Variants in MEOX2 observed in about 807,000 individuals in gnomAD.
MEOX2 encodes the protein homeobox protein MOX-2.
A neutral mutation model predicts 27.0 loss-of-function variants in MEOX2; 11 were observed. The ratio of observed to expected loss-of-function variants is 0.41; its 90% CI spans 0.26 to 0.68. The LOEUF is 0.68. Ranked by LOEUF, MEOX2 falls within the 30% of genes least tolerant of loss-of-function variation. The pLI, the probability that MEOX2 is intolerant of heterozygous loss-of-function variation, is 0.33. For missense variants in MEOX2, 436 were observed against 385.4 expected, an observed-to-expected ratio of 1.13 and a Z score of -1.10; for synonymous variants, 189 against 155.4, an observed-to-expected ratio of 1.22 and a Z score of -1.61.
chr7:15,673,130 A>G (rs1320252226), intron 1 of MEOX2, among the ~76,000 whole-genome samples: 2 of 152,166 alleles, frequency 1.3e-5, no homozygotes, highest in Non-Finnish European at 2.9e-5. Context: ...TTTACCAAGA[A>G]CTGTGCACCT....
At chr7:15,634,298 G>A (rs1327481997) in intron 1 of MEOX2, among the ~76,000 whole-genome samples, 1 of 151,898 alleles carries the variant, frequency 6.6e-6, no homozygotes, top group Non-Finnish European at 1.5e-5. Context: ...GTGAGGTGGG[G>A]ACAGTTCTGG....
rs1781337580 is a variant in MEOX2, at chr7:15,627,770, T to C, written c.518-852A>G. On this transcript the variant is annotated intron_variant, in intron 1 of 2. Coordinates refer to ENST00000262041, the MANE Select transcript of MEOX2 (RefSeq NM_005924.5). Reference sequence around the variant, plus strand: ...CCCTGAAATGTAGGTCAGAAGACATTCTTAATATACTAAAAAGCAGAACGT... The same window carrying C: ...CCCTGAAATGTAGGTCAGAAGACATCCTTAATATACTAAAAAGCAGAACGT... Among the ~76,000 whole-genome samples, 3 of 142,086 alleles carry C rather than the reference T, an allele frequency of 2.1e-5. No homozygotes were observed. In the Admixed American group the frequency reaches 2.1e-4, roughly 10 times the overall value. The allele number at this position is 142,086 out of a possible 152,430, so 93.2% of individuals were successfully genotyped here.
intron 1 of MEOX2, among the ~76,000 whole-genome samples, chr7:15,641,752 G>T (rs1209629913): frequency 6.6e-6 from 1 of 151,932 alleles, no homozygotes; most frequent in Non-Finnish European, 1.5e-5. Context: ...AGTAAGTTTT[G>T]TCCTTTTATT....
At chr7:15,612,708 A>G in intron 2 of MEOX2, 97 bp from the exon 3 acceptor site, 1 of 948,652 alleles carries the variant, frequency 1.1e-6, no homozygotes, top group Non-Finnish European at 1.6e-6. Flanking sequence ...AAGTTCCTCA[A>G]AGGCTTATAC....
intron 1 of MEOX2, among the ~76,000 whole-genome samples, chr7:15,631,846 A>C (rs16878569): frequency 0.074 from 11,167 of 150,492 alleles, 430 homozygotes; most frequent in Middle Eastern, 0.12. Flanking sequence ...AAATATCATA[A>C]ATTTATCACA....
At chr7:15,649,733 G>T (rs1175528384) in intron 1 of MEOX2, among the ~76,000 whole-genome samples, 1 of 152,052 alleles carries the variant, frequency 6.6e-6, no homozygotes, top group Admixed American at 6.6e-5. Flanking sequence ...TTTTTGAGCA[G>T]AAAAACTGTT....
At chr7:15,677,271 C>T (rs1427142664) in intron 1 of MEOX2, among the ~76,000 whole-genome samples, 1 of 152,146 alleles carries the variant, frequency 6.6e-6, no homozygotes, top group African/African-American at 2.4e-5. Flanking sequence ...ATAACTGACA[C>T]TTTACTAAGC....
chr7:15,615,086 G>A (rs1021592809), intron 2 of MEOX2, among the ~76,000 whole-genome samples: 4 of 152,032 alleles, frequency 2.6e-5, no homozygotes, highest in African/African-American at 9.7e-5. Flanking sequence ...GTTGACGGGT[G>A]TTCACATATT....
Position 15,626,787 on chromosome 7 carries a change from G to A in MEOX2, c.649C>T (p.Arg217Ter), listed in dbSNP as rs2115360317. The A allele has an allele frequency of 6.2e-7, 1 of 1,606,924 alleles. No homozygotes were observed. The highest frequency in any genetic ancestry group is 8.5e-7 in the Non-Finnish European group (1 of 1,177,282). ...TCCAGATTCACTGCTATCTCGTATC[G>A]CCTCAGTCTGGTGAGATAATTATGA... ...AHHNYLTRLRRYEIAVNLDLT... is the reference protein window; with the variant it reads ...AHHNYLTRLR Residue 217 changes from arginine to a stop codon, truncating the protein, a stop_gained, in exon 2 of 3, where the codon CGA (arginine) becomes TGA (stop). Coordinates refer to ENST00000262041, the MANE Select transcript of MEOX2 (RefSeq NM_005924.5). LOFTEE classifies it high-confidence loss of function.
At chr7:15,642,355 AG>A (rs1781575816) in intron 1 of MEOX2, among the ~76,000 whole-genome samples, 2 of 152,240 alleles carry the variant, frequency 1.3e-5, no homozygotes, top group South Asian at 4.1e-4. Flanking sequence ...ATAATTCAAA[AG>A]TACAGTCTTC....
Position 15,677,395 on chromosome 7 carries a change from G to C in MEOX2, c.517+8491C>G, listed in dbSNP as rs550356909. ...GTGACAATAGTAAGAGACACAGCGG[G>C]GGTTTAGCCCTAACTATTGTGTTCT... On this transcript the variant is annotated intron_variant, in intron 1 of 2. Transcript: ENST00000262041. The C allele has an allele frequency of 2.0e-5, 3 of 152,272 alleles. No homozygotes were observed. The South Asian group carries it at 6.2e-4, about 32-fold the overall frequency. The allele number at this position is 152,272 out of a possible 1,614,324, so 9.4% of individuals were successfully genotyped here. A position where few individuals can be genotyped will look rare whatever the true frequency, so the allele number is the denominator to read the frequency against.
intron 1 of MEOX2, among the ~76,000 whole-genome samples, chr7:15,653,026 A>C (rs1037426833): frequency 6.6e-6 from 1 of 152,002 alleles, no homozygotes; most frequent in African/African-American, 2.4e-5. Context: ...TGATAGTTGC[A>C]TGTTTTGTTT....
At chr7:15,682,212 T>C (rs1329686851) in intron 1 of MEOX2, among the ~76,000 whole-genome samples, 1 of 151,866 alleles carries the variant, frequency 6.6e-6, no homozygotes, top group Non-Finnish European at 1.5e-5. Flanking sequence ...TTTTAAATTC[T>C]AAAGCAAATG....
chr7:15,652,683 A>G (rs1015178368), intron 1 of MEOX2, among the ~76,000 whole-genome samples: 1 of 151,978 alleles, frequency 6.6e-6, no homozygotes, highest in African/African-American at 2.4e-5. Flanking sequence ...CTATGTCTGT[A>G]ATTTTTGTCC....
chr7:15,649,334 G>A (rs1018976741), intron 1 of MEOX2, among the ~76,000 whole-genome samples: 2 of 151,936 alleles, frequency 1.3e-5, no homozygotes, highest in African/African-American at 4.8e-5. Context: ...GTAAGGGTGG[G>A]GGGAGACATC....
intron 2 of MEOX2, among the ~76,000 whole-genome samples, chr7:15,622,857 T>A (rs1041976161): frequency 6.6e-6 from 1 of 152,068 alleles, no homozygotes; most frequent in South Asian, 2.1e-4. Flanking sequence ...TAAGAACAGA[T>A]CTAGCATTAC....
chr7:15,631,758 T>A (rs908492707), intron 1 of MEOX2, among the ~76,000 whole-genome samples: 3 of 151,802 alleles, frequency 2.0e-5, no homozygotes, highest in Admixed American at 1.3e-4. Context: ...AATGGGAAAG[T>A]ATGAAGATTT....
chr7:15,645,913 G>A (rs1317725494), intron 1 of MEOX2, among the ~76,000 whole-genome samples: 1 of 152,086 alleles, frequency 6.6e-6, no homozygotes, highest in Non-Finnish European at 1.5e-5. Flanking sequence ...CAGTACTAAA[G>A]GAAAGTGTTT....
chr7:15,652,354 G>C (rs1781745085), intron 1 of MEOX2, among the ~76,000 whole-genome samples: 1 of 151,930 alleles, frequency 6.6e-6, no homozygotes, highest in East Asian at 1.9e-4. Context: ...TTAACAAAAT[G>C]TACGTGGCAT....
Sources: gnomAD v4.1 joint callset for allele counts (sites outside exome capture counted in the v4.1 genomes callset) on GRCh38, gnomAD v4.1.1 for gene constraint, MANE v1.5 for transcripts, NCBI Gene and HGNC (gene_info 2026-07-23, HGNC 2026-07-21) for gene names.